Variants in OPA3 observed in about 807,000 individuals in gnomAD.
OPA3 encodes the protein optic atrophy 3 protein.
A neutral mutation model predicts 4.0 loss-of-function variants in OPA3; 6 were observed. That is an observed-to-expected ratio of 1.51 (90% CI 0.83 to 2.99). The LOEUF is 2.99. OPA3 is among the 30% of genes most tolerant of loss of function. The pLI is 0.00. For missense variants in OPA3, 235 were observed against 256.2 expected, an observed-to-expected ratio of 0.92 and a Z score of 0.56; for synonymous variants, 105 against 117.1, an observed-to-expected ratio of 0.90 and a Z score of 0.67.
At chr19:45,541,502 T>G (rs931074557), downstream of OPA3, among the ~76,000 whole-genome samples, 5 of 151,988 alleles carry the variant, frequency 3.3e-5, no homozygotes, top group African/African-American at 1.2e-4. Flanking sequence ...GTCCAGAAGT[T>G]TGAGACTAGC....
rs1969290469 is a variant in OPA3 at position 45,548,838 on chromosome 19, C to G, written c.*4676G>C. On this transcript the variant is annotated 3_prime_UTR_variant, in exon 2 of 2. Transcript: ENST00000263275. Reference sequence around the variant, plus strand: ...ATTTATTTAGAGATGAAGTCTCGCTCTGTCACCCAGGCTGGAGTATAATGG... The same window carrying G: ...ATTTATTTAGAGATGAAGTCTCGCTGTGTCACCCAGGCTGGAGTATAATGG... 1 of 630,330 alleles carries G rather than the reference C, an allele frequency of 1.6e-6. No homozygotes were observed. The highest frequency in any genetic ancestry group is 2.0e-6 in the Non-Finnish European group (1 of 508,592). 39.0% of individuals were successfully genotyped at this position (630,330 alleles called of 1,614,324 possible).
intron 1 of OPA3, among the ~76,000 whole-genome samples, chr19:45,578,666 T>C (rs2122512947): frequency 1.3e-5 from 2 of 151,344 alleles, no homozygotes; most frequent in East Asian, 3.9e-4. Context: ...CATCTCTACT[T>C]AAAATACAAA....
chr19:45,544,913 G>A (rs1969228525), downstream of OPA3, among the ~76,000 whole-genome samples: 1 of 151,930 alleles, frequency 6.6e-6, no homozygotes, highest in Middle Eastern at 3.2e-3. Context: ...AAGCCAGGAG[G>A]CGGAGGTTGT....
chr19:45,545,176 A>AAC (rs1555731717), downstream of OPA3, among the ~76,000 whole-genome samples: 4 of 148,410 alleles, frequency 2.7e-5, no homozygotes, highest in East Asian at 3.9e-4. Context: ...AAAAAAAAAA[A>AAC]AACAAAAAAA....
At chr19:45,530,927 C>CTTTTTTTTTTTTTTTTTTTT (rs71173176) in intron 1 of OPA3, among the ~76,000 whole-genome samples, 4 of 35,450 alleles carry the variant, frequency 1.1e-4, no homozygotes, top group Non-Finnish European at 2.1e-4. Context: ...ATGTCACCTA[C>CTTTTTTTTTTTTTTTTTTTT]TTTTTTTTTT....
chr19:45,577,444 T>C (rs1448504795), intron 1 of OPA3, among the ~76,000 whole-genome samples: 2 of 152,170 alleles, frequency 1.3e-5, no homozygotes, highest in African/African-American at 2.4e-5. Context: ...AAGACACTAA[T>C]GATGTAATTA....
intron 1 of OPA3, among the ~76,000 whole-genome samples, chr19:45,571,252 T>C (rs549935911): frequency 3.3e-4 from 51 of 152,272 alleles, no homozygotes; most frequent in Middle Eastern, 3.4e-3. Context: ...CAAGCGATAC[T>C]CTTGCCTCAG....
intron 1 of OPA3, among the ~76,000 whole-genome samples, chr19:45,574,008 C>CAAAAACCCCGTCTCTACT (rs1272391901): frequency 6.6e-6 from 1 of 151,424 alleles, no homozygotes; most frequent in Non-Finnish European, 1.5e-5. Context: ...ACTAAAAATA[C>CAAAAACCCCGTCTCTACT]AAAAATTAGC....
intron 1 of OPA3, among the ~76,000 whole-genome samples, chr19:45,573,790 G>A (rs1026241297): frequency 3.9e-5 from 6 of 152,178 alleles, no homozygotes; most frequent in African/African-American, 9.7e-5. Flanking sequence ...CACACACCAC[G>A]TAAACAGCAG....
exon 2 of OPA3, chr19:45,529,214 A>C: frequency 1.2e-6 from 2 of 1,612,400 alleles, no homozygotes; most frequent in East Asian, 4.5e-5. Flanking sequence ...GCCAGCCCCA[A>C]GTGGCCCACC....
chr19:45,557,621 T>A (rs1031434210), intron 1 of OPA3, among the ~76,000 whole-genome samples: 3 of 152,130 alleles, frequency 2.0e-5, no homozygotes, highest in Admixed American at 2.0e-4. Flanking sequence ...GCGTGTCGGG[T>A]CCATTCTGCA....
rs1027805241 is a variant in OPA3, at chr19:45,547,681, C to T, written c.*5833G>A. 1.3e-5 allele frequency: 2 copies of T among 152,762 alleles called. No individual in the cohort carries two copies. Among genetic ancestry groups the T allele is most frequent in the South Asian group, 2.1e-4 (1 of 4,830 alleles). 9.5% of individuals were successfully genotyped at this position (152,762 alleles called of 1,614,324 possible). On this transcript the variant is annotated 3_prime_UTR_variant, in exon 2 of 2. Transcript: ENST00000263275. ...CCTCCATTCCTCTCAGTCCTCATCA[C>T]CCTATGCTGGATTAGCTTTTTCCTT...
rs1383960263 is a variant in OPA3, at chr19:45,566,442, C to T, written c.143-12531G>A. Among the ~76,000 whole-genome samples, 6 of 146,768 alleles carry T rather than the reference C, an allele frequency of 4.1e-5. No individual in the cohort carries two copies. In the Admixed American group the frequency reaches 4.2e-4, roughly 10 times the overall value. On this transcript the variant is annotated intron_variant, in intron 1 of 1. Transcript: ENST00000263275. ...CTGGGATTACAGGAGTGAGCCACCACTCCCTTAGATGATCCACCAGCCTGA... is the reference window on the plus strand; with the variant it reads ...CTGGGATTACAGGAGTGAGCCACCATTCCCTTAGATGATCCACCAGCCTGA...
chr19:45,569,286 C>T (rs1363619720), intron 1 of OPA3, among the ~76,000 whole-genome samples: 4 of 152,136 alleles, frequency 2.6e-5, no homozygotes, highest in Admixed American at 1.3e-4. Flanking sequence ...TAGTGAAACA[C>T]CGTCTCTACT....
intron 1 of OPA3, among the ~76,000 whole-genome samples, chr19:45,579,404 A>G (rs1364505295): frequency 6.6e-6 from 1 of 152,066 alleles, no homozygotes; most frequent in East Asian, 1.9e-4. Context: ...TATTTTTAGT[A>G]GAGATGGGGT....
intron 1 of OPA3, among the ~76,000 whole-genome samples, chr19:45,577,752 T>C (rs1969789824): frequency 6.6e-6 from 1 of 152,190 alleles, no homozygotes; most frequent in Non-Finnish European, 1.5e-5. Flanking sequence ...AGGGATGTCC[T>C]TAGGAGGCAC....
chr19:45,549,916 G>T lies in OPA3; in HGVS notation c.*3598C>A. 1.0e-6 allele frequency: 1 copy of T among 972,504 alleles called. No homozygotes were observed. Among genetic ancestry groups the T allele is most frequent in the South Asian group, 4.8e-5 (1 of 21,042 alleles). 60.2% of individuals were successfully genotyped at this position (972,504 alleles called of 1,614,324 possible). ...CTCACGCCTGTAATCCCAGCACTTT[G>T]GGAGGCCGAGGCGGGCGGATTACCT... On this transcript the variant is annotated 3_prime_UTR_variant, in exon 2 of 2. Transcript: ENST00000263275.
At chr19:45,563,596 C>A (rs536268685) in intron 1 of OPA3, among the ~76,000 whole-genome samples, 1 of 152,052 alleles carries the variant, frequency 6.6e-6, no homozygotes, top group African/African-American at 2.4e-5. Context: ...CACTCTGTCA[C>A]CCAGACTGAA....
chr19:45,576,418 G>A (rs560129920), intron 1 of OPA3, among the ~76,000 whole-genome samples: 14 of 151,832 alleles, frequency 9.2e-5, no homozygotes, highest in Middle Eastern at 6.8e-3. Context: ...AGGTGTGGTG[G>A]TGGGTGCTAC....
Sources: allele counts gnomAD v4.1 joint callset (sites outside exome capture counted in the v4.1 genomes callset), GRCh38; gene constraint gnomAD v4.1.1; transcripts MANE v1.5; gene names NCBI Gene and HGNC (gene_info 2026-07-23, HGNC 2026-07-21).